Variants in ZNF641 observed in about 807,000 individuals in gnomAD.
ZNF641 encodes the protein zinc finger protein 641.
Under a neutral mutation model 46.2 loss-of-function variants are expected in ZNF641, and 26 were observed. That is an observed-to-expected ratio of 0.56 (90% CI 0.41 to 0.78). The LOEUF (loss-of-function observed/expected upper bound fraction) is 0.78. Among genes scored for constraint, ZNF641 ranks in the 30% least tolerant of loss-of-function variants. The probability of loss-of-function intolerance (pLI) is 0.00; values close to 1 mark genes in which losing one functional copy is unlikely to be tolerated. For missense variants in ZNF641, 469 were observed against 517.8 expected (o/e 0.91, Z 0.91); for synonymous variants, 163 against 187.9 (o/e 0.87, Z 1.09).
rs889298263 is a variant in ZNF641, at chr12:48,339,470, T to C, written c.*3503A>G. ...CAAACAAGTTTCCAGGTGATATTTA[T>C]GCTGCTGGCCCAAAGACCAAATTTT... is the stretch of plus-strand genomic sequence containing the variant. On this transcript the variant is annotated 3_prime_UTR_variant, in exon 6 of 6. Coordinates refer to ENST00000547026, the MANE Select transcript of ZNF641 (RefSeq NM_001172681.2). 6.6e-6 allele frequency: 1 copy of C among 152,208 alleles called. No individual in the cohort carries two copies. Among genetic ancestry groups the C allele is most frequent in the African/African-American group, 2.4e-5 (1 of 41,446 alleles). 9.4% of individuals were successfully genotyped at this position (152,208 alleles called of 1,614,324 possible). A position where few individuals can be genotyped will look rare whatever the true frequency, so the allele number is the denominator to read the frequency against.
chr12:48,351,198 C>G (rs1361671098), upstream of ZNF641: 4 of 152,316 alleles, frequency 2.6e-5, no homozygotes, highest in Non-Finnish European at 2.9e-5. Flanking sequence ...CGCACTCTTG[C>G]CTGACTGACC....
Position 48,341,268 on chromosome 12 carries a change from C to G in ZNF641, c.*1705G>C. On this transcript the variant is annotated 3_prime_UTR_variant, in exon 6 of 6. Transcript: ENST00000547026. Reference sequence around the variant, plus strand: ...TGAGAAACACATCTTAGGGAAGAAACAGTATCTAAGCATTAAAGAGAAAAT... The same window carrying G: ...TGAGAAACACATCTTAGGGAAGAAAGAGTATCTAAGCATTAAAGAGAAAAT... 2 of 985,424 alleles carry G rather than the reference C, an allele frequency of 2.0e-6. No homozygotes were observed. Among genetic ancestry groups the G allele is most frequent in the Non-Finnish European group, 2.4e-6 (2 of 829,930 alleles). 61.0% of individuals were successfully genotyped at this position (985,424 alleles called of 1,614,324 possible). A position where few individuals can be genotyped will look rare whatever the true frequency, so the allele number is the denominator to read the frequency against.
chr12:48,341,049 G>A lies in ZNF641; in HGVS notation c.*1924C>T. 1 of 985,494 alleles carries A rather than the reference G, an allele frequency of 1.0e-6. No individual in the cohort carries two copies. Among genetic ancestry groups the A allele is most frequent in the Non-Finnish European group, 1.2e-6 (1 of 829,970 alleles). The allele number at this position is 985,494 out of a possible 1,614,324, so 61.0% of individuals were successfully genotyped here. On this transcript the variant is annotated 3_prime_UTR_variant, in exon 6 of 6. Coordinates refer to ENST00000547026, the MANE Select transcript of ZNF641 (RefSeq NM_001172681.2). ...GCTCACAGTAGCAGAAGGGAGGCAGGGGCCAAGCTGTTCAAGTCACATAAA... is the reference window on the plus strand; with the variant it reads ...GCTCACAGTAGCAGAAGGGAGGCAGAGGCCAAGCTGTTCAAGTCACATAAA...
At position 48,341,808 on chromosome 12, in the gene ZNF641, T is replaced by G; in HGVS notation, c.*1165A>C. 1.0e-6 allele frequency: 1 copy of G among 985,454 alleles called. No individual in the cohort carries two copies. The allele number at this position is 985,454 out of a possible 1,614,324, so 61.0% of individuals were successfully genotyped here. A position where few individuals can be genotyped will look rare whatever the true frequency, so the allele number is the denominator to read the frequency against. On this transcript the variant is annotated 3_prime_UTR_variant, in exon 6 of 6. Coordinates refer to ENST00000547026, the MANE Select transcript of ZNF641 (RefSeq NM_001172681.2). ...GCAAAAGCAATCTGCAGCCCAGAGA[T>G]TCAAACCTAGACATACACATCCACA...
intron 3 of ZNF641, 85 bp downstream of exon 3, chr12:48,347,167 C>T (rs752407872): frequency 1.2e-6 from 2 of 1,605,584 alleles, no homozygotes; most frequent in Non-Finnish European, 8.5e-7. Flanking sequence ...ATCATGTGAG[C>T]CAACTCATCA....
In ZNF641 at chr12:48,343,236, C is replaced by T. The variant is rs1952766408; in HGVS notation, c.1012G>A (p.Glu338Lys). 6.2e-7 allele frequency: 1 copy of T among 1,614,272 alleles called. No individual in the cohort carries two copies. Among genetic ancestry groups the T allele is most frequent in the East Asian group, 2.2e-5 (1 of 44,884 alleles). ...CTTGTGCCAGGGCTCTCTCCAACCT[C>T]TTGGCCTTTGCAGGATTTGCCTTCT... ...HAEGKSCKGQ[E>K]VGESPGTRKR... The change falls in exon 6 of 6, where the codon GAG becomes AAG. Residue 338 changes from glutamate to lysine, a missense_variant. Coordinates refer to ENST00000547026, the MANE Select transcript of ZNF641 (RefSeq NM_001172681.2).
At chr12:48,350,761 C>T (rs749687262) in intron 1 of ZNF641, 25 bp downstream of exon 1, 28 of 940,448 alleles carry the variant, frequency 3.0e-5, no homozygotes, top group Non-Finnish European at 3.5e-5. Context: ...CCAGCCGCAG[C>T]TCCCTCCGGC....
At chr12:48,350,001 C>T (rs1952983074) in intron 1 of ZNF641, 1 of 1,612,206 alleles carries the variant, frequency 6.2e-7, no homozygotes. Context: ...GACAGAAATC[C>T]GTGGAAGTGC....
In ZNF641 at chr12:48,340,252, T is replaced by C. The variant is rs1045719402; in HGVS notation, c.*2721A>G. On this transcript the variant is annotated 3_prime_UTR_variant, in exon 6 of 6. Coordinates refer to ENST00000547026, the MANE Select transcript of ZNF641 (RefSeq NM_001172681.2). ...TTCTGTAGAAGGCCCTTAGACTCCA[T>C]GATGCCTTTCAGCTGGGTGCTATAC... The C allele has an allele frequency of 4.0e-5, 39 of 985,330 alleles. No homozygotes were observed. In the African/African-American group the frequency reaches 6.8e-4, roughly 17 times the overall value. 61.0% of individuals were successfully genotyped at this position (985,330 alleles called of 1,614,324 possible).
upstream of ZNF641, chr12:48,351,192 C>T (rs1953030966): frequency 6.6e-6 from 1 of 152,338 alleles, no homozygotes; most frequent in Non-Finnish European, 1.5e-5. Flanking sequence ...CTTGCCCGCA[C>T]TCTTGCCTGA....
rs906911685 is a variant in ZNF641 at position 48,342,010 on chromosome 12, T to C, written c.*963A>G. 1.0e-6 allele frequency: 1 copy of C among 985,520 alleles called. No individual in the cohort carries two copies. The highest frequency in any genetic ancestry group is 1.2e-6 in the Non-Finnish European group (1 of 829,988). 61.0% of individuals were successfully genotyped at this position (985,520 alleles called of 1,614,324 possible). On this transcript the variant is annotated 3_prime_UTR_variant, in exon 6 of 6. Coordinates refer to ENST00000547026, the MANE Select transcript of ZNF641 (RefSeq NM_001172681.2). The stretch of plus-strand genomic sequence containing the variant: ...CACAGCCCCTAGAAAACCTAGCTTG[T>C]ACAGTTTGCACATAGCATGCTGTCT...
At position 48,342,897 on chromosome 12, in the gene ZNF641, G is replaced by C; in HGVS notation, c.*76C>G. On this transcript the variant is annotated 3_prime_UTR_variant, in exon 6 of 6. Transcript: ENST00000547026. ...TATGATTCTGGCCACTGGGGTTCAG[G>C]AGAACGGCAGCCCTGGCAGTGACTC... 2 of 1,524,534 alleles carry C rather than the reference G, an allele frequency of 1.3e-6. No individual in the cohort carries two copies. Among genetic ancestry groups the C allele is most frequent in the Non-Finnish European group, 1.7e-6 (2 of 1,144,388 alleles). The allele number at this position is 1,524,534 out of a possible 1,614,324, so 94.4% of individuals were successfully genotyped here.
chr12:48,340,063 G>A lies in ZNF641; in HGVS notation c.*2910C>T, dbSNP rs966333286. 6.4e-5 allele frequency: 63 copies of A among 985,296 alleles called. No individual in the cohort carries two copies. The highest frequency in any genetic ancestry group is 1.2e-4 in the Admixed American group (2 of 16,270). The allele number at this position is 985,296 out of a possible 1,614,324, so 61.0% of individuals were successfully genotyped here. A position where few individuals can be genotyped will look rare whatever the true frequency, so the allele number is the denominator to read the frequency against. ...ATTCTTTTTATTTAAAGGGGACGGG[G>A]TGAAACATGAACATTTGAGGCTGAT... On this transcript the variant is annotated 3_prime_UTR_variant, in exon 6 of 6. Transcript: ENST00000547026.
At chr12:48,349,593 A>T (rs560995253) in intron 1 of ZNF641, among the ~76,000 whole-genome samples, 1 of 152,296 alleles carries the variant, frequency 6.6e-6, no homozygotes, top group South Asian at 2.1e-4. Context: ...AGGAAAAACA[A>T]ATTCCCTTTT....
At chr12:48,336,176 C>T (rs1365006276), downstream of ZNF641, among the ~76,000 whole-genome samples, 1 of 152,198 alleles carries the variant, frequency 6.6e-6, no homozygotes, top group African/African-American at 2.4e-5. Flanking sequence ...CAAGAGCCTA[C>T]TCTACTGGTA....
rs1002576339 is a variant in ZNF641, at chr12:48,342,008, T to C, written c.*965A>G. 11 of 985,336 alleles carry C rather than the reference T, an allele frequency of 1.1e-5. No individual in the cohort carries two copies. Among genetic ancestry groups the C allele is most frequent in the Non-Finnish European group, 1.2e-5 (10 of 829,976 alleles). 61.0% of individuals were successfully genotyped at this position (985,336 alleles called of 1,614,324 possible). ...AACACAGCCCCTAGAAAACCTAGCT[T>C]GTACAGTTTGCACATAGCATGCTGT... On this transcript the variant is annotated 3_prime_UTR_variant, in exon 6 of 6. Coordinates refer to ENST00000547026, the MANE Select transcript of ZNF641 (RefSeq NM_001172681.2).
rs554527862 is a variant in ZNF641, at chr12:48,347,419, G to A, written c.185-76C>T. The A allele has an allele frequency of 2.7e-3, 3,639 of 1,329,140 alleles. 17 individuals are homozygous for A. Among genetic ancestry groups the A allele is most frequent in the Non-Finnish European group, 2.3e-3 (2,250 of 985,260 alleles). 82.3% of individuals were successfully genotyped at this position (1,329,140 alleles called of 1,614,324 possible). A position where few individuals can be genotyped will look rare whatever the true frequency, so the allele number is the denominator to read the frequency against. On this transcript the variant is annotated intron_variant, in intron 2 of 5. Transcript: ENST00000547026. ...AATGGGGCCTGGGCCCCATTTTAGAGAGGCTTAAGGGTCACAACTTCTGTA... is the reference window on the plus strand; with the variant it reads ...AATGGGGCCTGGGCCCCATTTTAGAAAGGCTTAAGGGTCACAACTTCTGTA...
At chr12:48,334,707 T>C (rs3752820), downstream of ZNF641, among the ~76,000 whole-genome samples, 91,796 of 151,090 alleles carry the variant, frequency 0.61, 28,629 homozygotes, top group Middle Eastern at 0.65. Flanking sequence ...ATCAAGTGCC[T>C]TGATGATAGC....
chr12:48,335,574 T>C (rs536435573), downstream of ZNF641, among the ~76,000 whole-genome samples: 98 of 152,346 alleles, frequency 6.4e-4, no homozygotes, highest in African/African-American at 2.3e-3. Flanking sequence ...CTTGACCTTA[T>C]ATAGCTAACG....
Sources: allele counts gnomAD v4.1 joint callset (sites outside exome capture counted in the v4.1 genomes callset), GRCh38; gene constraint gnomAD v4.1.1; transcripts MANE v1.5; gene names NCBI Gene and HGNC (gene_info 2026-07-23, HGNC 2026-07-21).